The following METTL5 variants were observed in gnomAD, a reference collection of about 807,000 sequenced individuals.
METTL5 encodes the protein methyltransferase 5, N6-adenosine.
METTL5 carries 28 observed loss-of-function variants against 26.5 expected under a neutral mutation model. The observed-to-expected ratio is 1.06, with a 90% CI of 0.78 to 1.45. The LOEUF is 1.45. METTL5 is among the 40% of genes most tolerant of loss of function. The pLI is 0.00. For synonymous variants in METTL5, 86 were observed against 82.6 expected, an observed-to-expected ratio of 1.04 and a Z score of -0.22; for missense variants, 231 against 249.9, an observed-to-expected ratio of 0.92 and a Z score of 0.51.
intron 6 of METTL5, 104 bp from the exon 7 acceptor site, chr2:169,811,962 A>C (rs1689976011): frequency 7.7e-7 from 1 of 1,298,498 alleles, no homozygotes; most frequent in Non-Finnish European, 1.1e-6. Context: ...CAGATGATTC[A>C]AATATCAAAA....
intron 2 of METTL5, among the ~76,000 whole-genome samples, chr2:169,821,578 A>G (rs956130446): frequency 2.6e-5 from 4 of 151,842 alleles, no homozygotes; most frequent in Non-Finnish European, 4.4e-5. Context: ...TAGACATGGG[A>G]TTTCACCATG....
At chr2:169,813,724 C>T (rs1046535151) in intron 5 of METTL5, among the ~76,000 whole-genome samples, 28 of 151,382 alleles carry the variant, frequency 1.8e-4, no homozygotes, top group Admixed American at 9.2e-4. Context: ...AACAGCTGGA[C>T]GTGGTGGTGC....
At chr2:169,824,108 T>C (rs1235654965) in intron 1 of METTL5, 1 of 180,412 alleles carries the variant, frequency 5.5e-6, no homozygotes, top group African/African-American at 2.3e-5. Flanking sequence ...AATGGGAAAC[T>C]GATCCTTATT....
In METTL5 at chr2:169,815,401, C is replaced by A. The variant is rs866403149; in HGVS notation, c.541+76G>T. The A allele has an allele frequency of 7.1e-6, 7 of 990,730 alleles. No homozygotes were observed. The Middle Eastern group carries it at 1.5e-3, about 208-fold the overall frequency. 61.4% of individuals were successfully genotyped at this position (990,730 alleles called of 1,614,324 possible). On this transcript the variant is annotated intron_variant, in intron 5 of 6. Coordinates refer to ENST00000260953, the MANE Select transcript of METTL5 (RefSeq NM_014168.4). ...CACTGTAAAGCATAGTTTATCTTCTCAGCACCTGCATGAAAATTTTGGTTG... is the reference window on the plus strand; with the variant it reads ...CACTGTAAAGCATAGTTTATCTTCTAAGCACCTGCATGAAAATTTTGGTTG...
chr2:169,818,148 G>A (rs1362171895), intron 4 of METTL5, among the ~76,000 whole-genome samples: 7 of 152,176 alleles, frequency 4.6e-5, no homozygotes, highest in Admixed American at 4.6e-4. Flanking sequence ...GTGTCAGAAA[G>A]GGAATTGCCT....
intron 6 of METTL5, 61 bp downstream of exon 6, chr2:169,812,396 A>G: frequency 6.2e-7 from 1 of 1,613,000 alleles, no homozygotes. Context: ...ATGAACCACC[A>G]CATCCGGCCC....
intron 1 of METTL5, 37 bp from the exon 2 acceptor site, chr2:169,822,094 C>T (rs376301604): frequency 3.0e-5 from 47 of 1,572,354 alleles, no homozygotes; most frequent in Middle Eastern, 1.7e-4. Flanking sequence ...GTAAGCAAGC[C>T]GGTGACTAAA....
Position 169,812,339 on chromosome 2 carries a change from C to A in METTL5, c.591+118G>T, listed in dbSNP as rs1215659289. ...CACTGCAACCTCTGCCTCCTGAGTT[C>A]AAGCGATTCTCTTGCCTCAGCCTCC... On this transcript the variant is annotated intron_variant, in intron 6 of 6. Transcript: ENST00000260953. 3.2e-6 allele frequency: 5 copies of A among 1,579,886 alleles called. No individual in the cohort carries two copies. The African/African-American group carries it at 4.0e-5, about 13-fold the overall frequency.
At chr2:169,813,174 C>G (rs1240451472) in intron 5 of METTL5, 3 of 147,604 alleles carry the variant, frequency 2.0e-5, no homozygotes, top group African/African-American at 7.5e-5. Context: ...GTTGCTCAGG[C>G]TGGAGTGCAG....
At chr2:169,819,081 T>G (rs2081548093) in intron 4 of METTL5, among the ~76,000 whole-genome samples, 1 of 152,222 alleles carries the variant, frequency 6.6e-6, no homozygotes, top group African/African-American at 2.4e-5. Flanking sequence ...TCCCCCAGTT[T>G]CCTGGACTAC....
At chr2:169,822,454 T>A (rs1022473903) in intron 1 of METTL5, among the ~76,000 whole-genome samples, 2 of 152,216 alleles carry the variant, frequency 1.3e-5, no homozygotes, top group African/African-American at 4.8e-5. Flanking sequence ...AAATAGTTTT[T>A]AAAAAAATCC....
At chr2:169,819,203 C>T (rs62171182) in intron 4 of METTL5, among the ~76,000 whole-genome samples, 8,284 of 152,238 alleles carry the variant, frequency 0.054, 240 homozygotes, top group Non-Finnish European at 0.078. Context: ...GGCCTTACTG[C>T]CTCCCTTAAG....
intron 6 of METTL5, 37 bp from the exon 7 acceptor site, chr2:169,811,895 G>C: frequency 6.2e-7 from 1 of 1,603,514 alleles, no homozygotes; most frequent in Non-Finnish European, 8.5e-7. Context: ...TGTTTAACTT[G>C]TCTTTTTGTT....
At chr2:169,822,623 T>C (rs2081600394) in intron 1 of METTL5, among the ~76,000 whole-genome samples, 1 of 151,544 alleles carries the variant, frequency 6.6e-6, no homozygotes, top group African/African-American at 2.4e-5. Context: ...TAAACACAGG[T>C]TCTCACTATA....
chr2:169,819,659 A>G lies in METTL5; in HGVS notation c.407-16T>C. 1 of 1,576,124 alleles carries G rather than the reference A, an allele frequency of 6.3e-7. No individual in the cohort carries two copies. The highest frequency in any genetic ancestry group is 8.7e-7 in the Non-Finnish European group (1 of 1,150,352). On this transcript the variant is annotated splice_polypyrimidine_tract_variant and intron_variant, in intron 3 of 6. Transcript: ENST00000260953. ...ATATCTGTCCCTGTGAAGAGTAGAA[A>G]AAAAGCTCCTATTTACCTCTTCTCA...
chr2:169,819,080 T>C (rs1223603055), intron 4 of METTL5, among the ~76,000 whole-genome samples: 1 of 152,194 alleles, frequency 6.6e-6, no homozygotes, highest in Non-Finnish European at 1.5e-5. Flanking sequence ...TTCCCCCAGT[T>C]TCCTGGACTA....
chr2:169,813,668 A>G (rs1349274916), intron 5 of METTL5, among the ~76,000 whole-genome samples: 1 of 151,458 alleles, frequency 6.6e-6, no homozygotes, highest in East Asian at 2.0e-4. Flanking sequence ...CAGCCTGACC[A>G]ACATTGTGAA....
At chr2:169,822,759 C>G (rs2081602030) in intron 1 of METTL5, among the ~76,000 whole-genome samples, 1 of 152,020 alleles carries the variant, frequency 6.6e-6, no homozygotes, top group Admixed American at 6.6e-5. Context: ...AAGTTTGTCA[C>G]CAGAACACAA....
chr2:169,819,155 G>A (rs914319522), intron 4 of METTL5, among the ~76,000 whole-genome samples: 13 of 152,198 alleles, frequency 8.5e-5, no homozygotes, highest in Admixed American at 5.9e-4. Context: ...TCTGAACTCA[G>A]ATCTGTTTAG....
Sources: gnomAD v4.1 joint callset for allele counts (sites outside exome capture counted in the v4.1 genomes callset) on GRCh38, gnomAD v4.1.1 for gene constraint, MANE v1.5 for transcripts, NCBI Gene and HGNC (gene_info 2026-07-23, HGNC 2026-07-21) for gene names.